Variants in ALG9 observed in about 807,000 individuals in gnomAD.
ALG9 encodes ALG9 alpha-1,2-mannosyltransferase.
In ALG9, 55 loss-of-function variants were observed where a neutral mutation model predicts 81.8. The observed-to-expected ratio is 0.67, with a 90% CI of 0.54 to 0.84. The LOEUF (loss-of-function observed/expected upper bound fraction) is 0.84. ALG9 is among the 40% of genes least tolerant of loss of function. The pLI is 0.00. For missense variants in ALG9, 629 were observed against 745.0 expected (o/e 0.84, Z 1.81); for synonymous variants, 278 against 274.3 (o/e 1.01, Z -0.13).
At chr11:111,840,531 C>T (rs1170258413) in intron 10 of ALG9, 124 bp downstream of exon 10, 2 of 1,125,192 alleles carry the variant, frequency 1.8e-6, no homozygotes, top group Non-Finnish European at 2.7e-6. Flanking sequence ...TGATCTATAT[C>T]AGGTTTAATG....
In ALG9 at chr11:111,853,887, G is replaced by A. The variant is rs1256492124; in HGVS notation, c.702-151C>T. On this transcript the variant is annotated intron_variant, in intron 6 of 14. Coordinates refer to ENST00000616540, the MANE Select transcript of ALG9 (RefSeq NM_024740.2). ...GGTATGTGAGAGGATGTCGTCACAG[G>A]ACCTGTCAGAGTGCTCTGTATCCCA... The A allele has an allele frequency of 5.5e-6, 4 of 721,668 alleles. No individual in the cohort carries two copies. In the African/African-American group the frequency reaches 7.0e-5, roughly 13 times the overall value. The allele number at this position is 721,668 out of a possible 1,614,324, so 44.7% of individuals were successfully genotyped here.
chr11:111,768,505 T>C, the ALG9 span, among the ~76,000 whole-genome samples: 3 of 152,144 alleles, frequency 2.0e-5, no homozygotes, highest in Non-Finnish European at 2.9e-5. Context: ...CGTGCCTGTC[T>C]TCCCAGTTAC....
At chr11:111,786,854 AAAAT>A (rs1946544197) in intron 14 of ALG9, among the ~76,000 whole-genome samples, 1 of 152,328 alleles carries the variant, frequency 6.6e-6, no homozygotes, top group East Asian at 1.9e-4. Flanking sequence ...TCTTAACACC[AAAAT>A]GGTTTCTGCA....
intron 9 of ALG9, among the ~76,000 whole-genome samples, chr11:111,841,705 A>T (rs1956244657): frequency 6.6e-6 from 1 of 152,224 alleles, no homozygotes; most frequent in South Asian, 2.1e-4. Flanking sequence ...ATTATCGTCA[A>T]GATCCACTTT....
At chr11:111,815,546 C>G (rs899148449) in intron 13 of ALG9, among the ~76,000 whole-genome samples, 19 of 152,158 alleles carry the variant, frequency 1.2e-4, no homozygotes, top group African/African-American at 4.3e-4. Flanking sequence ...AGGCCTCCAG[C>G]AGAAAATGAT....
chr11:111,812,324 TTGGGAGGCCAAA>T (rs1363159109), intron 13 of ALG9, among the ~76,000 whole-genome samples: 2 of 152,188 alleles, frequency 1.3e-5, no homozygotes, highest in African/African-American at 4.8e-5. Flanking sequence ...TCCTAGTACC[TTGGGAGGCCAAA>T]GTGGGAAGAT....
At chr11:111,780,699 CTTG>C (rs1945885071), downstream of ALG9, among the ~76,000 whole-genome samples, 1 of 152,160 alleles carries the variant, frequency 6.6e-6, no homozygotes, top group South Asian at 2.1e-4. Context: ...GTCCGGCCAA[CTTG>C]CCATATTTTC....
At chr11:111,797,252 GCTAGGT>G (rs1948434239) in intron 14 of ALG9, among the ~76,000 whole-genome samples, 1 of 152,178 alleles carries the variant, frequency 6.6e-6, no homozygotes, top group South Asian at 2.1e-4. Context: ...GACTTCCAAG[GCTAGGT>G]CATAAAAAAT....
chr11:111,773,828 C>T, the ALG9 span, among the ~76,000 whole-genome samples: 5 of 148,672 alleles, frequency 3.4e-5, no homozygotes, highest in African/African-American at 1.2e-4. Flanking sequence ...GATCACGGCT[C>T]GCTGCAGCCT....
chr11:111,864,571 G>A, intron 4 of ALG9: 2 of 553,278 alleles, frequency 3.6e-6, no homozygotes, highest in Non-Finnish European at 6.6e-6. Flanking sequence ...CACATGTGCT[G>A]TAATATACGA....
chr11:111,787,493 G>C (rs1946654321), intron 14 of ALG9, among the ~76,000 whole-genome samples: 2 of 151,928 alleles, frequency 1.3e-5, no homozygotes, highest in Admixed American at 1.3e-4. Context: ...GTCTTGCTCT[G>C]TCACCCAGGC....
chr11:111,831,094 G>A (rs536074564), intron 13 of ALG9, among the ~76,000 whole-genome samples: 5 of 152,240 alleles, frequency 3.3e-5, no homozygotes, highest in African/African-American at 1.2e-4. Context: ...AGGCTGGAGT[G>A]CAGTGGCGCC....
chr11:111,863,754 T>C (rs1555150069), intron 4 of ALG9, among the ~76,000 whole-genome samples: 1 of 152,178 alleles, frequency 6.6e-6, no homozygotes, highest in East Asian at 1.9e-4. Context: ...AAAGACAATA[T>C]ATTGGGTGCA....
At chr11:111,791,259 G>T (rs1402001197) in intron 14 of ALG9, among the ~76,000 whole-genome samples, 1 of 152,186 alleles carries the variant, frequency 6.6e-6, no homozygotes, top group Non-Finnish European at 1.5e-5. Context: ...AACAGATTAT[G>T]AATGATACAT....
intron 4 of ALG9, among the ~76,000 whole-genome samples, chr11:111,862,039 C>T (rs1960348986): frequency 6.6e-6 from 1 of 152,082 alleles, no homozygotes; most frequent in Non-Finnish European, 1.5e-5. Flanking sequence ...TTTCACTACA[C>T]TAATTTTTTA....
Position 111,857,708 on chromosome 11 carries a change from T to A in ALG9, c.595A>T (p.Thr199Ser). The A allele has an allele frequency of 6.2e-7, 1 of 1,614,098 alleles. No individual in the cohort carries two copies. The highest frequency in any genetic ancestry group is 8.5e-7 in the Non-Finnish European group (1 of 1,180,028). Residue 199 changes from threonine (T) to serine (S), a missense_variant, in exon 6 of 15, where the codon ACT becomes TCT. This residue lies in a region of ALG9 where 344 missense variants were observed against 390.5 expected (regional missense o/e 0.88). Coordinates refer to ENST00000616540, the MANE Select transcript of ALG9 (RefSeq NM_024740.2). ...CATCCAGTCATGGCTATCAACGTAG[T>A]GTACATACAGAAGCTACTAGGAAGG... ...AFLPSSFCMY[T>S]TLIAMTGWYM...
chr11:111,770,769 A>T, the ALG9 span, among the ~76,000 whole-genome samples: 2 of 152,184 alleles, frequency 1.3e-5, no homozygotes, highest in Non-Finnish European at 2.9e-5. Flanking sequence ...GCCAAGCACT[A>T]CCAATACAGT....
chr11:111,818,899 A>T (rs558428108), intron 13 of ALG9, among the ~76,000 whole-genome samples: 1 of 152,314 alleles, frequency 6.6e-6, no homozygotes, highest in African/African-American at 2.4e-5. Context: ...CAAAAAACAA[A>T]CAGAGAGGGC....
chr11:111,857,614 C>A lies in ALG9; in HGVS notation c.689G>T (p.Ser230Ile). ...GTTAGTTTCTTACCCAAGAGCTGCA[C>A]TGAATGGCCAGCCTAAGATAGCCCC... Reference protein sequence around the residue: ...AAGAILGWPFSAALGLPIAFD... With the variant: ...AAGAILGWPFIAALGLPIAFD... The change falls in exon 6 of 15, where the codon AGT becomes ATT. Residue 230 changes from serine (S) to isoleucine (I), a missense_variant. Ser to Ile is a moderately radical substitution (Grantham distance 142). This residue lies in a region of ALG9 where 344 missense variants were observed against 390.5 expected (regional missense o/e 0.88). Coordinates refer to ENST00000616540, the MANE Select transcript of ALG9 (RefSeq NM_024740.2). The A allele has an allele frequency of 6.2e-7, 1 of 1,614,176 alleles. No individual in the cohort carries two copies. The highest frequency in any genetic ancestry group is 2.2e-5 in the East Asian group (1 of 44,884).
Sources: gnomAD v4.1 joint callset for allele counts (sites outside exome capture counted in the v4.1 genomes callset) on GRCh38, gnomAD v4.1.1 for gene constraint, gnomAD v4.1.1 regional missense constraint, MANE v1.5 for transcripts, NCBI Gene and HGNC (gene_info 2026-07-23, HGNC 2026-07-21) for gene names.